Variants in TMEM220 observed in about 807,000 individuals in gnomAD.
TMEM220 encodes the protein transmembrane protein 220.
A neutral mutation model predicts 21.7 loss-of-function variants in TMEM220; 21 were observed. That is an observed-to-expected ratio of 0.97 (90% CI 0.69 to 1.39). The LOEUF is 1.39. Ranked by LOEUF, TMEM220 falls within the 40% of genes most tolerant of loss-of-function variation. TMEM220 has a pLI of 0.00. For missense variants in TMEM220, 191 were observed against 201.9 expected (o/e 0.95, Z 0.33); for synonymous variants, 80 against 73.6 (o/e 1.09, Z -0.45).
chr17:10,716,360 C>T (rs568425091), intron 5 of TMEM220: 9 of 642,976 alleles, frequency 1.4e-5, no homozygotes, highest in Non-Finnish European at 2.4e-5. Context: ...CTTTTATGTA[C>T]ATAAGCCTCT....
chr17:10,729,059 A>C lies in TMEM220; in HGVS notation c.74T>G (p.Val25Gly). The C allele has an allele frequency of 6.2e-7, 1 of 1,614,152 alleles. No homozygotes were observed. Among genetic ancestry groups the C allele is most frequent in the Non-Finnish European group, 8.5e-7 (1 of 1,180,008 alleles). Reference protein sequence around the residue: ...AFFALAALVQVNDPDAEVWVV... With the variant: ...AFFALAALVQGNDPDAEVWVV... ...CCACACCTCTGCATCTGGGTCATTT[A>C]CCTGGAACGCCAGAATACCAAGGTG... Residue 25 changes from valine to glycine, a missense_variant and splice_region_variant, in exon 2 of 6, where the codon GTA becomes GGA. By Grantham distance (109) the Val-to-Gly change is moderately radical. Transcript: ENST00000341871.
At chr17:10,725,240 T>G (rs2065957713) in intron 3 of TMEM220, 106 bp from the exon 4 acceptor site, 1 of 1,459,722 alleles carries the variant, frequency 6.9e-7, no homozygotes, top group African/African-American at 1.4e-5. Context: ...GAAAAGACAT[T>G]CAGACTCCCT....
chr17:10,711,373 C>T, downstream of TMEM220: 2 of 502,636 alleles, frequency 4.0e-6, no homozygotes, highest in Non-Finnish European at 7.1e-6. Context: ...GTGTATAGTC[C>T]TCATAAGGGG....
chr17:10,722,131 TACAGGTGACCA>T (rs1341926792), intron 5 of TMEM220, among the ~76,000 whole-genome samples: 11 of 152,146 alleles, frequency 7.2e-5, no homozygotes, highest in Non-Finnish European at 2.9e-5. Context: ...TAGCTGGGAT[TACAGGTGACCA>T]ACACCACGCC....
intron 2 of TMEM220, among the ~76,000 whole-genome samples, chr17:10,728,561 T>C (rs1041398663): frequency 6.6e-6 from 1 of 152,218 alleles, no homozygotes; most frequent in Non-Finnish European, 1.5e-5. Flanking sequence ...TCCACCCGCC[T>C]TGGCCTCCCA....
At chr17:10,720,929 T>C (rs977222038) in intron 5 of TMEM220, among the ~76,000 whole-genome samples, 1 of 152,138 alleles carries the variant, frequency 6.6e-6, no homozygotes, top group Non-Finnish European at 1.5e-5. Context: ...TAAAAGGAGA[T>C]CCAGATATAA....
Position 10,726,397 on chromosome 17 carries a change from T to C in TMEM220, c.103-133A>G, listed in dbSNP as rs911992885. Reference sequence around the variant, plus strand: ...CCCATGATTTGCCTCTAAGTTTCAATGGTGATTGAGAAAGTGGTAGATTCT... The same window carrying C: ...CCCATGATTTGCCTCTAAGTTTCAACGGTGATTGAGAAAGTGGTAGATTCT... On this transcript the variant is annotated intron_variant, in intron 2 of 5. Transcript: ENST00000341871. 3.4e-5 allele frequency: 25 copies of C among 733,114 alleles called. 1 individual carries two copies. Among genetic ancestry groups the C allele is most frequent in the East Asian group, 2.1e-4 (8 of 37,476 alleles). The allele number at this position is 733,114 out of a possible 1,614,324, so 45.4% of individuals were successfully genotyped here.
At chr17:10,726,908 G>C (rs1156448270) in intron 2 of TMEM220, among the ~76,000 whole-genome samples, 4 of 152,148 alleles carry the variant, frequency 2.6e-5, no homozygotes, top group Admixed American at 2.0e-4. Flanking sequence ...TGTTGGCAGG[G>C]AATAAGTAGG....
At position 10,729,771 on chromosome 17, in the gene TMEM220, C is replaced by T; in HGVS notation, c.72+9G>A. Reference sequence around the variant, plus strand: ...CGGGCGGGTCCCCCTCCCACCGCGGCCGCCTGACCTGCACCAAGGCCGCCA... The same window carrying T: ...CGGGCGGGTCCCCCTCCCACCGCGGTCGCCTGACCTGCACCAAGGCCGCCA... On this transcript the variant is annotated intron_variant, in intron 1 of 5. Coordinates refer to ENST00000341871, the MANE Select transcript of TMEM220 (RefSeq NM_001004313.3). 1 of 1,366,480 alleles carries T rather than the reference C, an allele frequency of 7.3e-7. No homozygotes were observed. The highest frequency in any genetic ancestry group is 9.5e-7 in the Non-Finnish European group (1 of 1,055,658). The allele number at this position is 1,366,480 out of a possible 1,614,324, so 84.6% of individuals were successfully genotyped here. A position where few individuals can be genotyped will look rare whatever the true frequency, so the allele number is the denominator to read the frequency against.
At chr17:10,729,684 C>T (rs1161691840) in intron 1 of TMEM220, 96 bp downstream of exon 1, 2 of 1,102,468 alleles carry the variant, frequency 1.8e-6, no homozygotes, top group Non-Finnish European at 2.4e-6. Context: ...ACTGTGCGCC[C>T]CTGCGACTCT....
At chr17:10,719,400 T>G (rs1386352175) in intron 5 of TMEM220, among the ~76,000 whole-genome samples, 1 of 152,158 alleles carries the variant, frequency 6.6e-6, no homozygotes, top group African/African-American at 2.4e-5. Context: ...CCCAAGTAGC[T>G]GGGACTACAG....
Position 10,713,437 on chromosome 17 carries a change from T to G in TMEM220, c.*2016A>C, listed in dbSNP as rs1423842929. On this transcript the variant is annotated 3_prime_UTR_variant, in exon 6 of 6. Coordinates refer to ENST00000341871, the MANE Select transcript of TMEM220 (RefSeq NM_001004313.3). ...TGAATAGTCACATAATTTCGTAGTC[T>G]GATATGGGAGAGGCATACATGATGA... 1 of 152,154 alleles carries G rather than the reference T, an allele frequency of 6.6e-6. No individual in the cohort carries two copies. Among genetic ancestry groups the G allele is most frequent in the African/African-American group, 2.4e-5 (1 of 41,448 alleles). 9.4% of individuals were successfully genotyped at this position (152,154 alleles called of 1,614,324 possible).
chr17:10,712,875 C>T (rs951957128), downstream of TMEM220, among the ~76,000 whole-genome samples: 1 of 152,104 alleles, frequency 6.6e-6, no homozygotes, highest in Non-Finnish European at 1.5e-5. Flanking sequence ...TTTAACTTGC[C>T]AGATAGTGTG....
chr17:10,725,983 CTCTCACTTCTATAAA>C (rs1311715264), intron 3 of TMEM220, among the ~76,000 whole-genome samples: 1 of 152,182 alleles, frequency 6.6e-6, no homozygotes, highest in Non-Finnish European at 1.5e-5. Context: ...AGAATCTGTC[CTCTCACTTCTATAAA>C]ACAGAAGACG....
chr17:10,715,218 C>T lies in TMEM220; in HGVS notation c.*235G>A, dbSNP rs376729187. 1.1e-4 allele frequency: 39 copies of T among 342,560 alleles called. 1 individual carries two copies. The East Asian group carries it at 1.6e-3, about 14-fold the overall frequency. 21.2% of individuals were successfully genotyped at this position (342,560 alleles called of 1,614,324 possible). ...TATTTTTAAACTTCTATTCTCTAGCCTTTTCCACTACATTATGACACAAGA... is the reference window on the plus strand; with the variant it reads ...TATTTTTAAACTTCTATTCTCTAGCTTTTTCCACTACATTATGACACAAGA... On this transcript the variant is annotated 3_prime_UTR_variant, in exon 6 of 6. Transcript: ENST00000341871.
chr17:10,715,317 G>T lies in TMEM220; in HGVS notation c.*136C>A. 1 of 712,886 alleles carries T rather than the reference G, an allele frequency of 1.4e-6. No individual in the cohort carries two copies. Among genetic ancestry groups the T allele is most frequent in the Non-Finnish European group, 2.2e-6 (1 of 452,834 alleles). The allele number at this position is 712,886 out of a possible 1,614,324, so 44.2% of individuals were successfully genotyped here. ...CATCCAATCTTACATCGAATTATAT[G>T]CACCCTTAAAAAGTTATTTGGAGTT... On this transcript the variant is annotated 3_prime_UTR_variant, in exon 6 of 6. Coordinates refer to ENST00000341871, the MANE Select transcript of TMEM220 (RefSeq NM_001004313.3).
At chr17:10,718,228 T>C (rs1455666523) in intron 5 of TMEM220, among the ~76,000 whole-genome samples, 1 of 152,244 alleles carries the variant, frequency 6.6e-6, no homozygotes, top group East Asian at 1.9e-4. Flanking sequence ...ATTTGTATTT[T>C]CAAATTTATT....
intron 5 of TMEM220, 65 bp from the exon 6 acceptor site, chr17:10,715,653 C>G (rs2074907747): frequency 7.9e-7 from 1 of 1,270,600 alleles, no homozygotes; most frequent in South Asian, 1.6e-5. Context: ...AGTATAAAGA[C>G]TGAATTGATA....
rs902160873 is a variant in TMEM220, at chr17:10,713,998, G to C, written c.*1455C>G. 1.3e-5 allele frequency: 2 copies of C among 152,144 alleles called. No individual in the cohort carries two copies. Among genetic ancestry groups the C allele is most frequent in the African/African-American group, 4.8e-5 (2 of 41,416 alleles). The allele number at this position is 152,144 out of a possible 1,614,324, so 9.4% of individuals were successfully genotyped here. ...TCTGACCACAGAGTTTGATGCTTGT[G>C]TATGTAAAATGTTGCCATCTAGATA... On this transcript the variant is annotated 3_prime_UTR_variant, in exon 6 of 6. Transcript: ENST00000341871.
Sources: gnomAD v4.1 joint callset for allele counts (sites outside exome capture counted in the v4.1 genomes callset) on GRCh38, gnomAD v4.1.1 for gene constraint, MANE v1.5 for transcripts, NCBI Gene and HGNC (gene_info 2026-07-23, HGNC 2026-07-21) for gene names.